USP6NL: variants seen among roughly 807,000 people sequenced by gnomAD.
USP6NL encodes the protein USP6 N-terminal like.
Under a neutral mutation model 61.9 loss-of-function variants are expected in USP6NL, and 26 were observed. That is an observed-to-expected ratio of 0.42 (90% CI 0.31 to 0.58). The LOEUF is 0.58. Ranked by LOEUF, USP6NL falls within the 20% of genes least tolerant of loss-of-function variation. The pLI is 0.16. For synonymous variants in USP6NL, 432 were observed against 390.1 expected, an observed-to-expected ratio of 1.11 and a Z score of -1.27; for missense variants, 1,114 against 1,034.3, an observed-to-expected ratio of 1.08 and a Z score of -1.06.
chr10:11,517,552 A>G (rs1216788957), intron 5 of USP6NL, among the ~76,000 whole-genome samples: 1 of 152,230 alleles, frequency 6.6e-6, no homozygotes, highest in Non-Finnish European at 1.5e-5. Flanking sequence ...TCAATTATGT[A>G]GATATTAAAA....
chr10:11,559,416 C>A (rs1380162742), intron 2 of USP6NL, among the ~76,000 whole-genome samples: 2 of 152,084 alleles, frequency 1.3e-5, no homozygotes, highest in Non-Finnish European at 2.9e-5. Flanking sequence ...ACTTTCCAAA[C>A]CATTCAGTGA....
At chr10:11,603,775 G>C (rs932758656) in intron 1 of USP6NL, among the ~76,000 whole-genome samples, 8 of 152,130 alleles carry the variant, frequency 5.3e-5, no homozygotes, top group Non-Finnish European at 1.2e-4. Flanking sequence ...AACATATTCA[G>C]AATAAAAGTG....
At position 11,602,070 on chromosome 10, in the gene USP6NL, T is replaced by TAC. The variant is rs141671479; in HGVS notation, c.-83-4355_-83-4354dup. On this transcript the variant is annotated intron_variant, in intron 1 of 14. Transcript: ENST00000609104. This position sits in a 1 kb window ranked among gnomAD's most constrained non-coding sequence, Gnocchi z 4.8. ...ATATATACATACATATACATACATA[T>TAC]ACACACACACACACGTCCAAATAAC... Among the ~76,000 whole-genome samples the TAC allele has an allele frequency of 6.6e-4, 100 of 151,778 alleles. No individual in the cohort carries two copies. Among genetic ancestry groups the TAC allele is most frequent in the Middle Eastern group, 3.4e-3 (1 of 294 alleles).
intron 2 of USP6NL, chr10:11,565,761 A>T (rs1185456653): frequency 2.0e-5 from 3 of 152,218 alleles, no homozygotes; most frequent in Non-Finnish European, 4.4e-5. Flanking sequence ...CTCACCATTG[A>T]AGCCAATATG....
intron 2 of USP6NL, among the ~76,000 whole-genome samples, chr10:11,583,944 G>A (rs1225498302): frequency 6.6e-6 from 1 of 152,070 alleles, no homozygotes; most frequent in African/African-American, 2.4e-5. Flanking sequence ...CAGGAGAATC[G>A]CTTGAACCCA....
chr10:11,555,463 G>GT (rs1836670636), intron 2 of USP6NL, among the ~76,000 whole-genome samples: 4 of 92,022 alleles, frequency 4.3e-5, no homozygotes, highest in East Asian at 3.2e-4. Context: ...GAGAGAGAGA[G>GT]AGAGAGAAAG....
rs1588422748 is a variant in USP6NL at position 11,598,271 on chromosome 10, A to C, written c.-83-554T>G. On this transcript the variant is annotated intron_variant, in intron 1 of 14. Transcript: ENST00000609104. This position sits in a 1 kb window ranked among gnomAD's most constrained non-coding sequence, Gnocchi z 4.7. ...ACTTCTCTCATAACATATTACCCTA[A>C]CCCCTACATCTACCCAATCATTTGG... Among the ~76,000 whole-genome samples, 1 of 152,164 alleles carries C rather than the reference A, an allele frequency of 6.6e-6. No homozygotes were observed. Among genetic ancestry groups the C allele is most frequent in the African/African-American group, 2.4e-5 (1 of 41,442 alleles).
intron 2 of USP6NL, among the ~76,000 whole-genome samples, chr10:11,556,860 A>G (rs1836726258): frequency 6.6e-6 from 1 of 152,224 alleles, no homozygotes; most frequent in Non-Finnish European, 1.5e-5. Flanking sequence ...TTAGAACTCT[A>G]ACAACAAATC....
chr10:11,463,230 C>G lies in USP6NL; in HGVS notation c.1698G>C (p.Glu566Asp), dbSNP rs2096224597. Residue 566 changes from glutamate (E) to aspartate (D), a missense_variant, in exon 15 of 15, where the codon GAG (glutamate) becomes GAC (aspartate). Transcript: ENST00000609104. This position sits in a 1 kb window ranked among gnomAD's most constrained non-coding sequence, Gnocchi z 6.3. Reference protein sequence around the residue: ...GPELDSGASVEEALERAYSQS... With the variant: ...GPELDSGASVDEALERAYSQS... The stretch of plus-strand genomic sequence containing the variant: ...GGGAGTAAGCCCTTTCCAGCGCCTC[C>G]TCCACGGAAGCGCCGCTGTCCAGCT... 1 of 1,613,548 alleles carries G rather than the reference C, an allele frequency of 6.2e-7. No homozygotes were observed. The highest frequency in any genetic ancestry group is 1.3e-5 in the African/African-American group (1 of 75,076).
chr10:11,531,680 A>C (rs1835667074), intron 2 of USP6NL, among the ~76,000 whole-genome samples: 1 of 152,038 alleles, frequency 6.6e-6, no homozygotes, highest in African/African-American at 2.4e-5. Context: ...AAAAAAAAAA[A>C]AAAACTACAT....
In USP6NL at chr10:11,580,867, T is replaced by TGATGGATGGATGGATGGATG. The variant is rs112761648; in HGVS notation, c.4+16744_4+16763dup. ...AATGGATGAATGACGAACGGATAGA[T>TGATGGATGGATGGATGGATG]GATGGATGGATGGATGGATGGATGG... On this transcript the variant is annotated intron_variant, in intron 2 of 14. Coordinates refer to ENST00000609104, the MANE Select transcript of USP6NL (RefSeq NM_014688.5). Among the ~76,000 whole-genome samples the TGATGGATGGATGGATGGATG allele has an allele frequency of 6.1e-4, 92 of 149,858 alleles. 1 individual carries two copies. Among genetic ancestry groups the TGATGGATGGATGGATGGATG allele is most frequent in the Middle Eastern group, 3.4e-3 (1 of 292 alleles).
chr10:11,495,161 C>T lies in USP6NL; in HGVS notation c.385-1933G>A, dbSNP rs1177433677. ...CCCTGTCCGGGCATAACAGAAGGTTCGCACTCTTGTCTTCTGGTCACTTCT... is the reference window on the plus strand; with the variant it reads ...CCCTGTCCGGGCATAACAGAAGGTTTGCACTCTTGTCTTCTGGTCACTTCT... On this transcript the variant is annotated intron_variant, in intron 7 of 14. Coordinates refer to ENST00000609104, the MANE Select transcript of USP6NL (RefSeq NM_014688.5). This position sits in a 1 kb window ranked among gnomAD's most constrained non-coding sequence, Gnocchi z 4.6. Among the ~76,000 whole-genome samples the T allele has an allele frequency of 5.3e-5, 8 of 152,240 alleles. No individual in the cohort carries two copies. Among genetic ancestry groups the T allele is most frequent in the African/African-American group, 1.9e-4 (8 of 41,472 alleles).
At position 11,462,330 on chromosome 10, in the gene USP6NL, G is replaced by C; in HGVS notation, c.*111C>G. On this transcript the variant is annotated 3_prime_UTR_variant, in exon 15 of 15. Coordinates refer to ENST00000609104, the MANE Select transcript of USP6NL (RefSeq NM_014688.5). ...GTATTCTTACTACTAACAGACAGGA[G>C]AGATGTGCGAGTTGTTTACAATAGT... 8.2e-7 allele frequency: 1 copy of C among 1,225,382 alleles called. No homozygotes were observed. Among genetic ancestry groups the C allele is most frequent in the South Asian group, 1.6e-5 (1 of 62,934 alleles). The allele number at this position is 1,225,382 out of a possible 1,614,324, so 75.9% of individuals were successfully genotyped here. A position where few individuals can be genotyped will look rare whatever the true frequency, so the allele number is the denominator to read the frequency against.
intron 14 of USP6NL, among the ~76,000 whole-genome samples, chr10:11,469,508 C>A (rs1028734430): frequency 5.3e-5 from 8 of 152,304 alleles, no homozygotes; most frequent in Middle Eastern, 6.8e-3. Flanking sequence ...TAAATGATAA[C>A]CTCTCTTTAG....
At chr10:11,564,861 C>A (rs1423828993) in intron 2 of USP6NL, 1 of 152,232 alleles carries the variant, frequency 6.6e-6, no homozygotes, top group African/African-American at 2.4e-5. Context: ...AATATCCACT[C>A]TTTTCTCCAT....
At chr10:11,498,087 C>A (rs12357567) in intron 7 of USP6NL, among the ~76,000 whole-genome samples, 33,285 of 150,470 alleles carry the variant, frequency 0.22, 4,259 homozygotes, top group East Asian at 0.59. Flanking sequence ...AAATAGAAAA[C>A]TTAGCCGGGC....
At chr10:11,524,176 T>G (rs2133392190) in intron 4 of USP6NL, among the ~76,000 whole-genome samples, 1 of 152,282 alleles carries the variant, frequency 6.6e-6, no homozygotes, top group Non-Finnish European at 1.5e-5. Flanking sequence ...GGAGGATTGC[T>G]TAAGGCCAGG....
rs1358104991 is a variant in USP6NL, at chr10:11,513,416, T to C, written c.196-3741A>G. ...GAGCTGCTGATGTTAACAGCCTATA[T>C]GAAACTGATATTAAATAATTCTGTT... On this transcript the variant is annotated intron_variant, in intron 5 of 14. Transcript: ENST00000609104. The surrounding 1 kb of genome is among the most constrained non-coding windows in gnomAD (Gnocchi z 4.7). 2.6e-5 allele frequency among the ~76,000 whole-genome samples: 4 copies of C among 152,252 alleles called. No individual in the cohort carries two copies. Among genetic ancestry groups the C allele is most frequent in the Non-Finnish European group, 5.9e-5 (4 of 68,038 alleles).
In USP6NL at chr10:11,587,424, T is replaced by C. The variant is rs1431925413; in HGVS notation, c.4+10207A>G. 6.7e-6 allele frequency among the ~76,000 whole-genome samples: 1 copy of C among 149,772 alleles called. No homozygotes were observed. Among genetic ancestry groups the C allele is most frequent in the Non-Finnish European group, 1.5e-5 (1 of 66,934 alleles). Reference sequence around the variant, plus strand: ...ACTATCCCTTGCAATTATTAAACTTTTAACAGTCATACTATAAGATGATAA... The same window carrying C: ...ACTATCCCTTGCAATTATTAAACTTCTAACAGTCATACTATAAGATGATAA... On this transcript the variant is annotated intron_variant, in intron 2 of 14. Transcript: ENST00000609104. The surrounding 1 kb of genome is among the most constrained non-coding windows in gnomAD (Gnocchi z 4.5).
Sources: gnomAD v4.1 joint callset for allele counts (sites outside exome capture counted in the v4.1 genomes callset) on GRCh38, gnomAD v4.1.1 for gene constraint, Gnocchi (gnomAD v3.1) non-coding constraint, MANE v1.5 for transcripts, NCBI Gene and HGNC (gene_info 2026-07-23, HGNC 2026-07-21) for gene names.